Variants in KCNB2 observed in about 807,000 individuals in gnomAD.
KCNB2 encodes the protein potassium voltage-gated channel subfamily B member 2.
Under a neutral mutation model 61.5 loss-of-function variants are expected in KCNB2, and 15 were observed. The ratio of observed to expected loss-of-function variants is 0.24; its 90% CI spans 0.16 to 0.38. KCNB2 has a LOEUF of 0.38. KCNB2 is among the 10% of genes least tolerant of loss of function. KCNB2 has a pLI of 1.00. For synonymous variants in KCNB2, 457 were observed against 446.0 expected (o/e 1.02, Z -0.31); for missense variants, 828 against 1,125.2 (o/e 0.74, Z 3.78).
intron 2 of KCNB2, among the ~76,000 whole-genome samples, chr8:72,861,577 G>A (rs1436050814): frequency 6.6e-6 from 1 of 152,138 alleles, no homozygotes; most frequent in Non-Finnish European, 1.5e-5. Context: ...GCAGCAGAAT[G>A]TAGGAGGAGG....
chr8:72,620,734 G>A (rs537622206), intron 2 of KCNB2, among the ~76,000 whole-genome samples: 5 of 152,072 alleles, frequency 3.3e-5, no homozygotes, highest in Non-Finnish European at 5.9e-5. Flanking sequence ...TCAGCCTCCC[G>A]AGTAGCTGAG....
At chr8:72,891,258 C>G (rs1805891961) in intron 2 of KCNB2, among the ~76,000 whole-genome samples, 2 of 152,134 alleles carry the variant, frequency 1.3e-5, no homozygotes, top group African/African-American at 4.8e-5. Context: ...GGTCATATAT[C>G]ATCAGGAGGC....
At chr8:72,777,483 G>C (rs1455545706) in intron 2 of KCNB2, among the ~76,000 whole-genome samples, 1 of 152,118 alleles carries the variant, frequency 6.6e-6, no homozygotes, top group Non-Finnish European at 1.5e-5. Context: ...GGGGCCTAAG[G>C]GTTCAATGTG....
At chr8:72,778,716 C>T (rs1469450643) in intron 2 of KCNB2, among the ~76,000 whole-genome samples, 1 of 86,936 alleles carries the variant, frequency 1.2e-5, no homozygotes, top group Non-Finnish European at 2.1e-5. Flanking sequence ...GCATTCCAGC[C>T]TGGGCCACAG....
chr8:72,622,085 G>A (rs1805721751), intron 2 of KCNB2, among the ~76,000 whole-genome samples: 1 of 152,100 alleles, frequency 6.6e-6, no homozygotes, highest in African/African-American at 2.4e-5. Flanking sequence ...TATCTATGAT[G>A]TTACCAAGCC....
intron 2 of KCNB2, among the ~76,000 whole-genome samples, chr8:72,779,931 A>C (rs1490701103): frequency 2.0e-5 from 3 of 152,128 alleles, no homozygotes; most frequent in African/African-American, 2.4e-5. Context: ...ACTGAGATTT[A>C]TCTAGCACCT....
intron 2 of KCNB2, among the ~76,000 whole-genome samples, chr8:72,776,358 A>G (rs1315966873): frequency 6.6e-6 from 1 of 152,156 alleles, no homozygotes; most frequent in Non-Finnish European, 1.5e-5. Context: ...TATGTAACAA[A>G]CCTGCACATT....
At chr8:72,819,229 AC>A (rs1292542625) in intron 2 of KCNB2, among the ~76,000 whole-genome samples, 9 of 152,044 alleles carry the variant, frequency 5.9e-5, no homozygotes, top group Admixed American at 1.3e-4. Context: ...TAAAAAAAAA[AC>A]ATTACAGCAC....
intron 2 of KCNB2, among the ~76,000 whole-genome samples, chr8:72,685,730 C>T (rs1806839723): frequency 6.6e-6 from 1 of 152,296 alleles, no homozygotes; most frequent in Non-Finnish European, 1.5e-5. Flanking sequence ...TGGCTCACGC[C>T]TGTAATCCCA....
intron 2 of KCNB2, among the ~76,000 whole-genome samples, chr8:72,742,040 T>G (rs1807969325): frequency 6.6e-6 from 1 of 152,186 alleles, no homozygotes; most frequent in South Asian, 2.1e-4. Context: ...CACTTGCATG[T>G]GCATGTTTAT....
chr8:72,750,509 A>G (rs889419333), intron 2 of KCNB2: 5 of 152,202 alleles, frequency 3.3e-5, no homozygotes, highest in African/African-American at 1.2e-4. Context: ...TTAGCAGTCT[A>G]AGGAATAATT....
chr8:72,704,732 A>G (rs1445949703), intron 2 of KCNB2, among the ~76,000 whole-genome samples: 2 of 152,114 alleles, frequency 1.3e-5, no homozygotes, highest in Admixed American at 6.6e-5. Flanking sequence ...GACTCCAAAT[A>G]CAGTCATCCT....
intron 2 of KCNB2, among the ~76,000 whole-genome samples, chr8:72,720,633 A>G (rs1807533318): frequency 6.6e-6 from 1 of 152,114 alleles, no homozygotes; most frequent in African/African-American, 2.4e-5. Context: ...TCCCCTACTC[A>G]GTCATGGGTC....
chr8:72,588,709 C>T (rs911249422), intron 2 of KCNB2, among the ~76,000 whole-genome samples: 9 of 151,222 alleles, frequency 6.0e-5, no homozygotes, highest in Middle Eastern at 6.8e-3. Context: ...GCCTGGACAA[C>T]ATAATGAGAC....
chr8:72,611,204 C>A (rs1805532513), intron 2 of KCNB2, among the ~76,000 whole-genome samples: 1 of 152,096 alleles, frequency 6.6e-6, no homozygotes, highest in Non-Finnish European at 1.5e-5. Context: ...AGATTTCTGA[C>A]AATTATGCAT....
At chr8:72,678,063 C>A (rs1033036432) in intron 2 of KCNB2, among the ~76,000 whole-genome samples, 1 of 152,172 alleles carries the variant, frequency 6.6e-6, no homozygotes, top group African/African-American at 2.4e-5. Flanking sequence ...AAACAATGAC[C>A]ACTCTACTCT....
intron 2 of KCNB2, among the ~76,000 whole-genome samples, chr8:72,664,786 A>G (rs143196793): frequency 4.6e-5 from 7 of 152,338 alleles, no homozygotes; most frequent in Non-Finnish European, 1.0e-4. Context: ...AAATCACAAT[A>G]TGTTAGAAAA....
intron 2 of KCNB2, among the ~76,000 whole-genome samples, chr8:72,680,928 G>T (rs1806739146): frequency 6.6e-6 from 1 of 152,128 alleles, no homozygotes; most frequent in Non-Finnish European, 1.5e-5. Flanking sequence ...TGGTTGTAAA[G>T]ATTAGATATA....
intron 2 of KCNB2, among the ~76,000 whole-genome samples, chr8:72,632,413 A>AGGCAGAGT (rs1191877982): frequency 6.6e-6 from 1 of 152,208 alleles, no homozygotes; most frequent in Non-Finnish European, 1.5e-5. Flanking sequence ...CACACTACAC[A>AGGCAGAGT]GGCAGAGTTG....
Sources: allele counts gnomAD v4.1 joint callset (sites outside exome capture counted in the v4.1 genomes callset), GRCh38; gene constraint gnomAD v4.1.1; transcripts MANE v1.5; gene names NCBI Gene and HGNC (gene_info 2026-07-23, HGNC 2026-07-21).